DNAH12: variants seen among roughly 807,000 people sequenced by gnomAD.
The protein encoded by DNAH12 is dynein axonemal heavy chain 12, also known as axonemal beta dynein heavy chain 12.
A neutral mutation model predicts 371.5 loss-of-function variants in DNAH12; 285 were observed. The observed-to-expected ratio is 0.77, with a 90% CI of 0.70 to 0.85. DNAH12 has a LOEUF of 0.85. Among genes scored for constraint, DNAH12 ranks in the 40% least tolerant of loss-of-function variants. The probability of loss-of-function intolerance (pLI) is 0.00; values close to 1 mark genes in which losing one functional copy is unlikely to be tolerated. For synonymous variants in DNAH12, 1,200 were observed against 1,213.0 expected, an observed-to-expected ratio of 0.99 and a Z score of 0.22; for missense variants, 3,611 against 3,689.4, an observed-to-expected ratio of 0.98 and a Z score of 0.55.
At chr3:57,439,287 C>T (rs779163625) in intron 29 of DNAH12, among the ~76,000 whole-genome samples, 1 of 152,190 alleles carries the variant, frequency 6.6e-6, no homozygotes, top group Non-Finnish European at 1.5e-5. Flanking sequence ...AGAGGAATCA[C>T]ATTACCCAAC....
intron 32 of DNAH12, among the ~76,000 whole-genome samples, chr3:57,432,336 A>ATTT (rs35536105): frequency 1.5e-5 from 2 of 137,794 alleles, no homozygotes; most frequent in Admixed American, 7.4e-5. Flanking sequence ...CACCCAGCTA[A>ATTT]TTTTTTTTTT....
chr3:57,438,542 GC>G (rs2065204000), intron 29 of DNAH12, among the ~76,000 whole-genome samples: 1 of 152,084 alleles, frequency 6.6e-6, no homozygotes, highest in Non-Finnish European at 1.5e-5. Flanking sequence ...TAAAGACTCT[GC>G]CAAAAGGCTC....
chr3:57,337,551 TG>T (rs1264810888), intron 60 of DNAH12, among the ~76,000 whole-genome samples: 1 of 152,056 alleles, frequency 6.6e-6, no homozygotes, highest in East Asian at 1.9e-4. Context: ...CCCAGCTACT[TG>T]GGAGGCTGAG....
chr3:57,298,044 TGGACTGGACTAAAG>T (rs2061269889), intron 70 of DNAH12, among the ~76,000 whole-genome samples: 3 of 152,234 alleles, frequency 2.0e-5, no homozygotes, highest in South Asian at 2.1e-4. Flanking sequence ...CATTCTAATC[TGGACTGGACTAAAG>T]GGACTGGACT....
chr3:57,489,919 A>G (rs1335087624), intron 11 of DNAH12, among the ~76,000 whole-genome samples: 1 of 152,186 alleles, frequency 6.6e-6, no homozygotes, highest in Admixed American at 6.5e-5. Flanking sequence ...CAGTATCAAA[A>G]TCTGAACATA....
chr3:57,369,035 C>T (rs1408879707), intron 55 of DNAH12, among the ~76,000 whole-genome samples: 6 of 151,400 alleles, frequency 4.0e-5, no homozygotes, highest in South Asian at 2.1e-4. Context: ...GGTGAAAGCC[C>T]GTCTCTACTA....
At chr3:57,372,583 T>C (rs1335152333) in intron 55 of DNAH12, among the ~76,000 whole-genome samples, 1 of 152,028 alleles carries the variant, frequency 6.6e-6, no homozygotes, top group African/African-American at 2.4e-5. Flanking sequence ...AAGAGAATTA[T>C]ACTGTTGAAA....
At chr3:57,496,278 A>C (rs1417964878) in intron 11 of DNAH12, among the ~76,000 whole-genome samples, 1 of 152,098 alleles carries the variant, frequency 6.6e-6, no homozygotes, top group Non-Finnish European at 1.5e-5. Context: ...TGACCCACAG[A>C]TACTATGAGA....
chr3:57,324,602 G>A (rs1011352892), intron 62 of DNAH12, among the ~76,000 whole-genome samples: 6 of 152,126 alleles, frequency 3.9e-5, no homozygotes, highest in Admixed American at 6.5e-5. Flanking sequence ...CAAGATGGCC[G>A]AATAGGAACA....
At chr3:57,348,851 C>T (rs529406480) in intron 60 of DNAH12, among the ~76,000 whole-genome samples, 1 of 152,306 alleles carries the variant, frequency 6.6e-6, no homozygotes, top group South Asian at 2.1e-4. Context: ...TACTGGGTAT[C>T]TTTCCACTTT....
rs936746230 is a variant in DNAH12, at chr3:57,520,568, G to A, written c.279+3015C>T. On this transcript the variant is annotated intron_variant, in intron 4 of 73. Coordinates refer to ENST00000495027, the MANE Select transcript of DNAH12 (RefSeq NM_001366028.2). Reference sequence around the variant, plus strand: ...CGCCATTCTCCTGCCTCAGCCTCCCGAGTAGCTGGGACTACAGGCGCCCGC... The same window carrying A: ...CGCCATTCTCCTGCCTCAGCCTCCCAAGTAGCTGGGACTACAGGCGCCCGC... Among the ~76,000 whole-genome samples, 4 of 150,940 alleles carry A rather than the reference G, an allele frequency of 2.7e-5. No individual in the cohort carries two copies. The South Asian group carries it at 8.4e-4, about 32-fold the overall frequency.
At chr3:57,444,867 C>A (rs2065428141) in intron 28 of DNAH12, 51 bp from the exon 29 acceptor site, 2 of 1,517,398 alleles carry the variant, frequency 1.3e-6, no homozygotes, top group Non-Finnish European at 1.8e-6. Context: ...GCAATTGCAA[C>A]CCCACTTCTC....
chr3:57,339,486 T>G (rs2062339618), intron 60 of DNAH12, among the ~76,000 whole-genome samples: 2 of 151,792 alleles, frequency 1.3e-5, no homozygotes, highest in Admixed American at 1.3e-4. Context: ...ATACAAAAAT[T>G]AAAGCTAGAT....
chr3:57,470,782 C>A, intron 15 of DNAH12, 146 bp from the exon 16 acceptor site: 1 of 670,600 alleles, frequency 1.5e-6, no homozygotes. Context: ...TCTGGGCTCA[C>A]TGCAACCTCT....
intron 2 of DNAH12, among the ~76,000 whole-genome samples, chr3:57,528,895 G>T (rs2068742713): frequency 6.6e-6 from 1 of 151,698 alleles, no homozygotes; most frequent in African/African-American, 2.4e-5. Flanking sequence ...TGCCATCTGG[G>T]TTCTAAGCAA....
chr3:57,510,200 A>G lies in DNAH12; in HGVS notation c.469+590T>C, dbSNP rs1575708003. On this transcript the variant is annotated intron_variant, in intron 5 of 73. Transcript: ENST00000495027. The stretch of plus-strand genomic sequence containing the variant: ...ATTTTCTAGCAAACCTATAAATAGT[A>G]TAGCTAAAATCATAAAGACAAAGTA... Among the ~76,000 whole-genome samples the G allele has an allele frequency of 2.0e-5, 3 of 152,296 alleles. No homozygotes were observed. In the Middle Eastern group the frequency reaches 0.01, roughly 518 times the overall value.
chr3:57,464,549 C>CA (rs1553701261), intron 17 of DNAH12, among the ~76,000 whole-genome samples: 2 of 151,954 alleles, frequency 1.3e-5, no homozygotes, highest in East Asian at 1.9e-4. Flanking sequence ...ACAAGCCAGA[C>CA]AAAAAACACT....
rs797041741 is a variant in DNAH12, at chr3:57,413,979, A to T, written c.5854-67T>A. 257 of 1,471,406 alleles carry T rather than the reference A, an allele frequency of 1.7e-4. 2 individuals are homozygous for T. In the African/African-American group the frequency reaches 3.3e-3, roughly 19 times the overall value. 91.1% of individuals were successfully genotyped at this position (1,471,406 alleles called of 1,614,324 possible). Reference sequence around the variant, plus strand: ...ATTAGGGATTTATCATACTTATATTAAATCAGTATCAACAAGTAAAACAAC... The same window carrying T: ...ATTAGGGATTTATCATACTTATATTTAATCAGTATCAACAAGTAAAACAAC... On this transcript the variant is annotated intron_variant, in intron 38 of 73. Transcript: ENST00000495027.
intron 62 of DNAH12, among the ~76,000 whole-genome samples, chr3:57,330,007 A>G (rs1260127756): frequency 6.6e-6 from 1 of 151,796 alleles, no homozygotes; most frequent in African/African-American, 2.4e-5. Flanking sequence ...TCAAAACCAC[A>G]ATGAGATATC....
Sources: gnomAD v4.1 joint callset for allele counts (sites outside exome capture counted in the v4.1 genomes callset) on GRCh38, gnomAD v4.1.1 for gene constraint, MANE v1.5 for transcripts, NCBI Gene and HGNC (gene_info 2026-07-23, HGNC 2026-07-21) for gene names.